Variants in TTC28 observed in about 807,000 individuals in gnomAD.
TTC28 encodes tetratricopeptide repeat protein 28.
A neutral mutation model predicts 198.0 loss-of-function variants in TTC28; 61 were observed. The observed-to-expected ratio is 0.31, with a 90% confidence interval of 0.25 to 0.38. TTC28 has a LOEUF of 0.38. TTC28 is among the 10% of genes least tolerant of loss of function. The pLI, the probability that TTC28 is intolerant of heterozygous loss-of-function variation, is 1.00. For synonymous variants in TTC28, 1,171 were observed against 1,297.8 expected (o/e 0.90, Z 2.10); for missense variants, 2,678 against 3,164.0 (o/e 0.85, Z 3.69).
At chr22:28,087,496 T>G (rs570834635) in intron 12 of TTC28, among the ~76,000 whole-genome samples, 1 of 152,166 alleles carries the variant, frequency 6.6e-6, no homozygotes, top group Non-Finnish European at 1.5e-5. Context: ...AAATTAGGTA[T>G]TGATGGGACG....
At chr22:28,224,574 C>T (rs2147211399) in intron 5 of TTC28, among the ~76,000 whole-genome samples, 1 of 152,190 alleles carries the variant, frequency 6.6e-6, no homozygotes, top group African/African-American at 2.4e-5. Context: ...GCAATCAATT[C>T]TGGGAGTTAG....
chr22:28,024,320 A>C (rs994289279), intron 13 of TTC28, among the ~76,000 whole-genome samples: 5 of 152,202 alleles, frequency 3.3e-5, no homozygotes, highest in Non-Finnish European at 7.3e-5. Flanking sequence ...CTCAGGGGAA[A>C]GCCCTCTTTG....
intron 5 of TTC28, among the ~76,000 whole-genome samples, chr22:28,239,750 A>G (rs1241896237): frequency 6.6e-6 from 1 of 152,154 alleles, no homozygotes; most frequent in Non-Finnish European, 1.5e-5. Flanking sequence ...GCTTGAAAAA[A>G]GGGATGGAGA....
At chr22:28,675,735 T>TCACACACACACACACACACACA (rs71316854) in intron 1 of TTC28, among the ~76,000 whole-genome samples, 11 of 135,112 alleles carry the variant, frequency 8.1e-5, no homozygotes, top group Non-Finnish European at 1.6e-5. Context: ...TGAAACCCTG[T>TCACACACACACACACACACACA]CACACACACA....
At chr22:28,392,003 T>C (rs906002746) in intron 2 of TTC28, among the ~76,000 whole-genome samples, 1 of 152,200 alleles carries the variant, frequency 6.6e-6, no homozygotes, top group African/African-American at 2.4e-5. Context: ...ATGATGGTGA[T>C]GTACAGATGG....
At chr22:28,023,016 A>G (rs1488301297) in intron 13 of TTC28, among the ~76,000 whole-genome samples, 1 of 152,208 alleles carries the variant, frequency 6.6e-6, no homozygotes, top group African/African-American at 2.4e-5. Flanking sequence ...AAGAGCCACA[A>G]GGCTGGGCAG....
intron 12 of TTC28, among the ~76,000 whole-genome samples, chr22:28,090,478 T>A (rs1941780834): frequency 6.6e-6 from 1 of 152,156 alleles, no homozygotes; most frequent in South Asian, 2.1e-4. Context: ...TGTTGTATAT[T>A]TAGGTTGTTT....
At chr22:28,637,527 C>T (rs2051295404) in intron 1 of TTC28, among the ~76,000 whole-genome samples, 1 of 151,920 alleles carries the variant, frequency 6.6e-6, no homozygotes, top group African/African-American at 2.4e-5. Flanking sequence ...ATAGCAGATA[C>T]ACAAAAGATA....
intron 12 of TTC28, among the ~76,000 whole-genome samples, chr22:28,082,866 T>C (rs1324631435): frequency 6.6e-6 from 1 of 152,222 alleles, no homozygotes; most frequent in African/African-American, 2.4e-5. Flanking sequence ...AGTGAATACA[T>C]CTGGTCCCAA....
At chr22:28,388,687 A>G (rs2046659935) in intron 2 of TTC28, among the ~76,000 whole-genome samples, 2 of 152,174 alleles carry the variant, frequency 1.3e-5, no homozygotes, top group Non-Finnish European at 2.9e-5. Flanking sequence ...TTGTACATTG[A>G]TTTTGTATCC....
intron 5 of TTC28, among the ~76,000 whole-genome samples, chr22:28,259,889 A>C (rs149105827): frequency 8.5e-5 from 13 of 152,270 alleles, no homozygotes; most frequent in African/African-American, 3.1e-4. Context: ...GAGAGGAGGA[A>C]AAGGACAAAA....
chr22:28,134,838 T>C (rs1943161055), intron 6 of TTC28, among the ~76,000 whole-genome samples: 2 of 152,236 alleles, frequency 1.3e-5, no homozygotes, highest in African/African-American at 2.4e-5. Flanking sequence ...TTTTTCTTTA[T>C]ATCTTCTACA....
intron 12 of TTC28, among the ~76,000 whole-genome samples, chr22:28,033,789 T>C (rs1939224544): frequency 6.6e-6 from 1 of 152,196 alleles, no homozygotes; most frequent in African/African-American, 2.4e-5. Context: ...CACTCATTCA[T>C]GTGGTCATTA....
At position 28,257,739 on chromosome 22, in the gene TTC28, CATATATATATATAT is replaced by C. The variant is rs66590909; in HGVS notation, c.933+38445_933+38458del. ...TTACCATCTTTAGATGGTAATAGAA[CATATATATATATAT>C]ATATATATATATATATATATATATA... is the stretch of plus-strand genomic sequence containing the variant. On this transcript the variant is annotated intron_variant, in intron 5 of 22. Transcript: ENST00000397906. 3.2e-3 allele frequency among the ~76,000 whole-genome samples: 310 copies of C among 96,578 alleles called. 4 individuals carry two copies. The highest frequency in any genetic ancestry group is 7.2e-3 in the African/African-American group (154 of 21,430). The allele number at this position is 96,578 out of a possible 152,430, so 63.4% of individuals were successfully genotyped here.
At chr22:28,466,289 T>TCC (rs2048020231) in intron 2 of TTC28, among the ~76,000 whole-genome samples, 1 of 152,174 alleles carries the variant, frequency 6.6e-6, no homozygotes, top group South Asian at 2.1e-4. Flanking sequence ...TACAGGATCA[T>TCC]CCTGGGAATG....
At chr22:28,662,092 A>G (rs1186742026) in intron 1 of TTC28, among the ~76,000 whole-genome samples, 1 of 152,212 alleles carries the variant, frequency 6.6e-6, no homozygotes, top group African/African-American at 2.4e-5. Flanking sequence ...CATTGTAATT[A>G]ATTTCATCTT....
intron 2 of TTC28, among the ~76,000 whole-genome samples, chr22:28,404,989 GT>G (rs134546): frequency 0.21 from 32,076 of 151,978 alleles, 3,624 homozygotes; most frequent in Non-Finnish European, 0.24. Flanking sequence ...AATAGTGTGT[GT>G]TGTTGAGACA....
intron 2 of TTC28, among the ~76,000 whole-genome samples, chr22:28,476,061 A>T (rs938585242): frequency 6.6e-6 from 1 of 152,196 alleles, no homozygotes. Context: ...ATACCAAGAG[A>T]CACATTGAAG....
intron 5 of TTC28, among the ~76,000 whole-genome samples, chr22:28,215,421 T>G (rs1226183566): frequency 1.3e-5 from 2 of 152,218 alleles, no homozygotes; most frequent in Admixed American, 1.3e-4. Flanking sequence ...GTTCCAATGA[T>G]GGATCATATT....
Sources: gnomAD v4.1 joint callset for allele counts (sites outside exome capture counted in the v4.1 genomes callset) on GRCh38, gnomAD v4.1.1 for gene constraint, MANE v1.5 for transcripts, NCBI Gene and HGNC (gene_info 2026-07-23, HGNC 2026-07-21) for gene names.